Variants in CFDP1 observed in about 807,000 individuals in gnomAD.
The protein encoded by CFDP1 is chromatin remodeling protein CFDP1, also known as heterochromatin-stabilizing protein CFDP1.
A neutral mutation model predicts 40.1 loss-of-function variants in CFDP1; 31 were observed. That is an observed-to-expected ratio of 0.77 (90% CI 0.58 to 1.04). The LOEUF is 1.04. CFDP1 is among the 50% of genes least tolerant of loss of function. The pLI is 0.00. For synonymous variants in CFDP1, 167 were observed against 120.0 expected (o/e 1.39, Z -2.56); for missense variants, 423 against 343.4 (o/e 1.23, Z -1.83).
intron 5 of CFDP1, among the ~76,000 whole-genome samples, chr16:75,384,994 T>C (rs2078883390): frequency 6.6e-6 from 1 of 150,920 alleles, no homozygotes; most frequent in Non-Finnish European, 1.5e-5. Context: ...TATATATTGT[T>C]TTCCCTGATC....
chr16:75,349,627 G>A (rs1462473557), intron 5 of CFDP1, among the ~76,000 whole-genome samples: 2 of 120,136 alleles, frequency 1.7e-5, no homozygotes, highest in Non-Finnish European at 3.3e-5. Flanking sequence ...CCCCAGCCTG[G>A]GCGACAGAGC....
chr16:75,427,218 G>C (rs1420982308), intron 1 of CFDP1, among the ~76,000 whole-genome samples: 1 of 152,044 alleles, frequency 6.6e-6, no homozygotes, highest in African/African-American at 2.4e-5. Flanking sequence ...AACATCCTTA[G>C]GGAAATGCAA....
intron 2 of CFDP1, among the ~76,000 whole-genome samples, chr16:75,413,966 ATATTTATG>A (rs1391393778): frequency 6.6e-6 from 1 of 152,184 alleles, no homozygotes; most frequent in African/African-American, 2.4e-5. Context: ...ATACATTTAT[ATATTTATG>A]TATACTTTGT....
intron 5 of CFDP1, among the ~76,000 whole-genome samples, chr16:75,380,561 A>G (rs754137185): frequency 1.3e-5 from 2 of 152,186 alleles, no homozygotes; most frequent in African/African-American, 2.4e-5. Flanking sequence ...AGTTAGGAAA[A>G]AAAAAAAATC....
chr16:75,302,956 G>A (rs1278886052), intron 6 of CFDP1, among the ~76,000 whole-genome samples: 1 of 152,204 alleles, frequency 6.6e-6, no homozygotes, highest in East Asian at 1.9e-4. Context: ...AGAACTTTGG[G>A]AGGCCGAGGC....
chr16:75,398,871 G>A (rs1378272477), intron 4 of CFDP1, among the ~76,000 whole-genome samples: 2 of 151,984 alleles, frequency 1.3e-5, no homozygotes, highest in Non-Finnish European at 2.9e-5. Flanking sequence ...TGGCTAACAC[G>A]GTGAAACCCC....
intron 6 of CFDP1, among the ~76,000 whole-genome samples, chr16:75,297,634 C>A (rs1353990149): frequency 2.6e-5 from 4 of 152,194 alleles, no homozygotes. Context: ...CACAGGGAAG[C>A]CTAGTGGTGG....
chr16:75,309,473 T>C (rs1235232348), intron 5 of CFDP1, among the ~76,000 whole-genome samples: 3 of 151,748 alleles, frequency 2.0e-5, no homozygotes, highest in South Asian at 2.1e-4. Flanking sequence ...GCTGTGTATA[T>C]TGGAAAACTG....
rs575613267 is a variant in CFDP1, at chr16:75,326,993, G to T, written c.651-21811C>A. Among the ~76,000 whole-genome samples the T allele has an allele frequency of 5.9e-5, 9 of 152,332 alleles. No individual in the cohort carries two copies. The East Asian group carries it at 1.7e-3, about 29-fold the overall frequency. ...AGTTCTATCAAAACGGGAATAGGCC[G>T]GGCGCAGTGGCTGACGCCTGTAATC... On this transcript the variant is annotated intron_variant, in intron 5 of 6. Transcript: ENST00000283882.
At chr16:75,420,061 G>C (rs1266024672) in intron 1 of CFDP1, among the ~76,000 whole-genome samples, 3 of 135,796 alleles carry the variant, frequency 2.2e-5, no homozygotes, top group Non-Finnish European at 3.0e-5. Flanking sequence ...AAGCTCTCTT[G>C]AGCCCAGGAA....
chr16:75,429,414 G>A (rs1251960229), intron 1 of CFDP1, among the ~76,000 whole-genome samples: 1 of 152,222 alleles, frequency 6.6e-6, no homozygotes. Context: ...AGCAGTTTGG[G>A]AGGCTGAGGA....
intron 1 of CFDP1, among the ~76,000 whole-genome samples, chr16:75,416,958 T>A (rs79094673): frequency 6.6e-6 from 1 of 152,072 alleles, no homozygotes; most frequent in Non-Finnish European, 1.5e-5. Flanking sequence ...AATCTGAACA[T>A]AGAAATGTAA....
chr16:75,389,348 T>C (rs1025591415), intron 5 of CFDP1, among the ~76,000 whole-genome samples: 1 of 152,158 alleles, frequency 6.6e-6, no homozygotes, highest in African/African-American at 2.4e-5. Flanking sequence ...TGTAGGAGAG[T>C]AATTTTTGTA....
chr16:75,329,522 G>C (rs910255476), intron 5 of CFDP1, among the ~76,000 whole-genome samples: 6 of 152,046 alleles, frequency 3.9e-5, no homozygotes, highest in African/African-American at 1.4e-4. Context: ...AAGAGACAAG[G>C]TCTCACTGTA....
At chr16:75,431,565 G>A (rs1370469180) in intron 1 of CFDP1, among the ~76,000 whole-genome samples, 1 of 152,002 alleles carries the variant, frequency 6.6e-6, no homozygotes, top group East Asian at 1.9e-4. Flanking sequence ...CTTGAACCGG[G>A]AAGGCAGAGG....
At chr16:75,411,436 A>C (rs1041235270) in intron 4 of CFDP1, among the ~76,000 whole-genome samples, 1 of 152,082 alleles carries the variant, frequency 6.6e-6, no homozygotes, top group African/African-American at 2.4e-5. Flanking sequence ...TATTGAAACC[A>C]AATTTCTCTC....
At chr16:75,337,702 C>T (rs751763731) in intron 5 of CFDP1, among the ~76,000 whole-genome samples, 2 of 152,108 alleles carry the variant, frequency 1.3e-5, no homozygotes, top group African/African-American at 2.4e-5. Flanking sequence ...AGGTGCCACA[C>T]ACTTTTAAAC....
chr16:75,384,222 T>C (rs1341266350), intron 5 of CFDP1, among the ~76,000 whole-genome samples: 1 of 151,996 alleles, frequency 6.6e-6, no homozygotes, highest in African/African-American at 2.4e-5. Flanking sequence ...CCAGGCATGG[T>C]GGCACATGCC....
chr16:75,368,859 T>A (rs1442344102), intron 5 of CFDP1, among the ~76,000 whole-genome samples: 1 of 152,142 alleles, frequency 6.6e-6, no homozygotes, highest in Non-Finnish European at 1.5e-5. Context: ...CTGCAATTTT[T>A]CATAATAAAA....
Sources: gnomAD v4.1 joint callset for allele counts (sites outside exome capture counted in the v4.1 genomes callset) on GRCh38, gnomAD v4.1.1 for gene constraint, MANE v1.5 for transcripts, NCBI Gene and HGNC (gene_info 2026-07-23, HGNC 2026-07-21) for gene names.